The following PLAGL1 variants were observed in gnomAD, a reference collection of about 807,000 sequenced individuals.
PLAGL1 encodes the protein zinc finger protein PLAGL1.
A neutral mutation model predicts 4.6 loss-of-function variants in PLAGL1; 1 was observed. That is an observed-to-expected ratio of 0.22 (90% CI 0.08 to 1.03). The LOEUF is 1.03. Ranked by LOEUF, PLAGL1 falls within the 50% of genes least tolerant of loss-of-function variation. The probability of loss-of-function intolerance (pLI) is 0.58; values close to 1 mark genes in which losing one functional copy is unlikely to be tolerated. For synonymous variants in PLAGL1, 240 were observed against 237.8 expected (o/e 1.01, Z -0.08); for missense variants, 464 against 570.4 (o/e 0.81, Z 1.90).
chr6:144,060,108 T>C (rs569863848), intron 1 of PLAGL1, among the ~76,000 whole-genome samples: 81 of 152,000 alleles, frequency 5.3e-4, no homozygotes, highest in African/African-American at 1.8e-3. Flanking sequence ...AGTGCAGTGG[T>C]GTGATCACAG....
At position 144,056,275 on chromosome 6, in the gene PLAGL1, C is replaced by G. The variant is rs557075895; in HGVS notation, c.-151+8193G>C. 1.6e-4 allele frequency among the ~76,000 whole-genome samples: 24 copies of G among 152,328 alleles called. No individual in the cohort carries two copies. The highest frequency in any genetic ancestry group is 5.8e-4 in the African/African-American group (24 of 41,580). The stretch of plus-strand genomic sequence containing the variant: ...CACACACGCACAGCCTCCCCTATTA[C>G]CGGCATCCCCACCAGGATGGCGCAT... On this transcript the variant is annotated intron_variant, in intron 1 of 3. Transcript: ENST00000437412. The surrounding 1 kb of genome is among the most constrained non-coding windows in gnomAD (Gnocchi z 4.7).
chr6:143,946,750 A>T (rs1028739694), intron 7 of PLAGL1, among the ~76,000 whole-genome samples: 1 of 152,186 alleles, frequency 6.6e-6, no homozygotes, highest in Non-Finnish European at 1.5e-5. Context: ...GGCTCTCTCC[A>T]GGCGTTTGTA....
intron 2 of PLAGL1, among the ~76,000 whole-genome samples, chr6:143,981,946 T>G (rs541493415): frequency 6.6e-6 from 1 of 152,296 alleles, no homozygotes; most frequent in South Asian, 2.1e-4. Flanking sequence ...GTTTTTAAGA[T>G]TTTTCTTTTT....
chr6:143,977,598 G>T (rs1382703572), intron 2 of PLAGL1, among the ~76,000 whole-genome samples: 1 of 149,266 alleles, frequency 6.7e-6, no homozygotes, highest in Admixed American at 6.7e-5. Flanking sequence ...TCAGCCTCCC[G>T]AGTAGCTGGG....
At chr6:144,043,645 T>G (rs1259159551) in intron 1 of PLAGL1, among the ~76,000 whole-genome samples, 4 of 152,154 alleles carry the variant, frequency 2.6e-5, no homozygotes, top group Non-Finnish European at 4.4e-5. Flanking sequence ...TCTTTTTTTT[T>G]GTTGTGTCTC....
Position 143,978,900 on chromosome 6 carries a change from G to C in PLAGL1, c.-544+6235C>G, listed in dbSNP as rs1787285153. On this transcript the variant is annotated intron_variant, in intron 2 of 7. Coordinates refer to ENST00000674357, the MANE Select transcript of PLAGL1 (RefSeq NM_001317162.2). The surrounding 1 kb of genome is among the most constrained non-coding windows in gnomAD (Gnocchi z 4.6). ...CTTGATCTATTATCTATTGAAGGAA[G>C]GGTGCTGAAATCTGACCACAATTGT... Among the ~76,000 whole-genome samples, 2 of 152,178 alleles carry C rather than the reference G, an allele frequency of 1.3e-5. No homozygotes were observed. Among genetic ancestry groups the C allele is most frequent in the South Asian group, 4.2e-4 (2 of 4,812 alleles).
rs1784391711 is a variant in PLAGL1 at position 143,966,204 on chromosome 6, A to G, written c.-471-6T>C. On this transcript the variant is annotated splice_polypyrimidine_tract_variant and splice_region_variant and intron_variant, in intron 3 of 7. Transcript: ENST00000674357. This position sits in a 1 kb window ranked among gnomAD's most constrained non-coding sequence, Gnocchi z 6.0. ...TCCCATTAGGTTTCTGTCGACTGCA[A>G]CGAAAAGTCTTGTCTAATCAGAACC... is the stretch of plus-strand genomic sequence containing the variant. The G allele has an allele frequency of 6.6e-6, 1 of 152,220 alleles. No homozygotes were observed. Among genetic ancestry groups the G allele is most frequent in the Non-Finnish European group, 1.5e-5 (1 of 68,040 alleles). The allele number at this position is 152,220 out of a possible 1,614,324, so 9.4% of individuals were successfully genotyped here.
chr6:143,981,617 C>T (rs1388871770), intron 2 of PLAGL1, among the ~76,000 whole-genome samples: 4 of 152,210 alleles, frequency 2.6e-5, no homozygotes, highest in East Asian at 1.9e-4. Context: ...TGTCCAATGT[C>T]GGAATGCCTT....
At chr6:144,009,623 G>A (rs945576754), upstream of PLAGL1, among the ~76,000 whole-genome samples, 5 of 152,114 alleles carry the variant, frequency 3.3e-5, no homozygotes, top group South Asian at 2.1e-4. Context: ...TCATCAACCC[G>A]TCATCTACAT....
intron 1 of PLAGL1, among the ~76,000 whole-genome samples, chr6:143,993,571 A>G (rs9496831): frequency 0.012 from 1,807 of 152,330 alleles, 39 homozygotes; most frequent in African/African-American, 0.04. Context: ...GAAGATCATT[A>G]GCCAAGGAAA....
intron 1 of PLAGL1, among the ~76,000 whole-genome samples, chr6:144,021,362 T>C (rs1036810770): frequency 3.9e-5 from 6 of 152,210 alleles, no homozygotes; most frequent in Admixed American, 1.3e-4. Context: ...TAACATCTTT[T>C]TCAAAATTAT....
In PLAGL1 at chr6:144,056,878, C is replaced by T. The variant is rs1361175675; in HGVS notation, c.-151+7590G>A. 6.6e-6 allele frequency among the ~76,000 whole-genome samples: 1 copy of T among 152,134 alleles called. No individual in the cohort carries two copies. Among genetic ancestry groups the T allele is most frequent in the Non-Finnish European group, 1.5e-5 (1 of 68,018 alleles). On this transcript the variant is annotated intron_variant, in intron 1 of 3. Transcript: ENST00000437412. This position sits in a 1 kb window ranked among gnomAD's most constrained non-coding sequence, Gnocchi z 4.7. ...CTGCCCAGGTGTTGCCCAGGCTGCT[C>T]TCAAACTCCCAGGCTCAAGCAATCC...
chr6:144,037,663 ATTTCT>A (rs1323413307), intron 1 of PLAGL1: 2 of 151,320 alleles, frequency 1.3e-5, no homozygotes, highest in Non-Finnish European at 2.9e-5. Flanking sequence ...TGACAGTTTC[ATTTCT>A]TTTAAGGAAT....
In PLAGL1 at chr6:144,005,287, A is replaced by G. The variant is rs1468960978; in HGVS notation, c.-584+2803T>C. On this transcript the variant is annotated intron_variant, in intron 1 of 7. Coordinates refer to ENST00000674357, the MANE Select transcript of PLAGL1 (RefSeq NM_001317162.2). This position sits in a 1 kb window ranked among gnomAD's most constrained non-coding sequence, Gnocchi z 4.6. ...GAAGAAAAAATATCACAATGAAAAA[A>G]TCTTAAATTCTTAGAACTGAACAAT... 1 of 152,190 alleles carries G rather than the reference A, an allele frequency of 6.6e-6. No individual in the cohort carries two copies. Among genetic ancestry groups the G allele is most frequent in the African/African-American group, 2.4e-5 (1 of 41,456 alleles). 9.4% of individuals were successfully genotyped at this position (152,190 alleles called of 1,614,324 possible). A position where few individuals can be genotyped will look rare whatever the true frequency, so the allele number is the denominator to read the frequency against.
At chr6:143,980,975 A>G (rs1787813917) in intron 2 of PLAGL1, among the ~76,000 whole-genome samples, 1 of 152,222 alleles carries the variant, frequency 6.6e-6, no homozygotes, top group Non-Finnish European at 1.5e-5. Context: ...ATGTAAATAC[A>G]TTTGCTTACA....
chr6:144,030,039 G>T (rs952712535), intron 1 of PLAGL1, among the ~76,000 whole-genome samples: 1 of 152,000 alleles, frequency 6.6e-6, no homozygotes, highest in Non-Finnish European at 1.5e-5. Context: ...GGATCATGAG[G>T]TCAGGAGATC....
Position 143,957,622 on chromosome 6 carries a change from T to C in PLAGL1, c.-325+2847A>G, listed in dbSNP as rs192519705. Among the ~76,000 whole-genome samples, 109 of 152,322 alleles carry C rather than the reference T, an allele frequency of 7.2e-4. No homozygotes were observed. The highest frequency in any genetic ancestry group is 1.4e-3 in the Admixed American group (22 of 15,304). On this transcript the variant is annotated intron_variant, in intron 6 of 7. Transcript: ENST00000674357. The surrounding 1 kb of genome is among the most constrained non-coding windows in gnomAD (Gnocchi z 4.2). ...CAAGGGAAAGAAAAGCCTCTTTCTT[T>C]CTCAGGAAGTGTGTGAGGATATAGG...
rs1180995187 is a variant in PLAGL1, at chr6:144,055,123, G to A, written c.-151+9345C>T. ...TGAAAAACACCCTTTACATATAGTA[G>A]TGCCATATATTTTGAAAAAGAAATG... On this transcript the variant is annotated intron_variant, in intron 1 of 3. Transcript: ENST00000437412. The surrounding 1 kb of genome is among the most constrained non-coding windows in gnomAD (Gnocchi z 5.0). Among the ~76,000 whole-genome samples the A allele has an allele frequency of 6.6e-6, 1 of 152,020 alleles. No homozygotes were observed. Among genetic ancestry groups the A allele is most frequent in the African/African-American group, 2.4e-5 (1 of 41,374 alleles).
At chr6:144,049,603 C>G (rs905748147) in intron 1 of PLAGL1, among the ~76,000 whole-genome samples, 1 of 151,828 alleles carries the variant, frequency 6.6e-6, no homozygotes, top group African/African-American at 2.4e-5. Flanking sequence ...CTTATGAAAC[C>G]ATCAGATCTT....
Sources: gnomAD v4.1 joint callset for allele counts (sites outside exome capture counted in the v4.1 genomes callset) on GRCh38, gnomAD v4.1.1 for gene constraint, Gnocchi (gnomAD v3.1) non-coding constraint, MANE v1.5 for transcripts, NCBI Gene and HGNC (gene_info 2026-07-23, HGNC 2026-07-21) for gene names.